Variants in TBC1D9 observed in about 807,000 individuals in gnomAD.
The protein encoded by TBC1D9 is TBC1 domain family member 9A.
In TBC1D9, 63 loss-of-function variants were observed where a neutral mutation model predicts 132.0. The observed-to-expected ratio is 0.48, with a 90% CI of 0.39 to 0.59. TBC1D9 has a LOEUF of 0.59. TBC1D9 is among the 20% of genes least tolerant of loss of function. The pLI is 0.00. For missense variants in TBC1D9, 1,261 were observed against 1,592.7 expected, an observed-to-expected ratio of 0.79 and a Z score of 3.54; for synonymous variants, 610 against 609.9, an observed-to-expected ratio of 1.00 and a Z score of 0.00.
chr4:140,651,278 C>T (rs1427966763), intron 13 of TBC1D9, among the ~76,000 whole-genome samples: 1 of 152,168 alleles, frequency 6.6e-6, no homozygotes, highest in African/African-American at 2.4e-5. Context: ...GCCTGGCCAA[C>T]ATGGTGAAAC....
intron 1 of TBC1D9, among the ~76,000 whole-genome samples, chr4:140,735,227 C>CTT (rs1405809319): frequency 6.6e-6 from 1 of 152,106 alleles, no homozygotes; most frequent in Non-Finnish European, 1.5e-5. Flanking sequence ...ATTTACTAAG[C>CTT]TTTTTGAAAA....
intron 1 of TBC1D9, among the ~76,000 whole-genome samples, chr4:140,753,202 C>T (rs1258259185): frequency 9.9e-5 from 15 of 152,014 alleles, no homozygotes. Context: ...CCCATCCATT[C>T]CTGGGAGGCT....
chr4:140,744,591 T>C (rs1423936566), intron 1 of TBC1D9, among the ~76,000 whole-genome samples: 1 of 152,108 alleles, frequency 6.6e-6, no homozygotes, highest in Non-Finnish European at 1.5e-5. Context: ...CTCATCTACG[T>C]AAGAGCCTTG....
intron 3 of TBC1D9, among the ~76,000 whole-genome samples, chr4:140,682,315 T>C (rs1346847): frequency 0.8 from 121,455 of 152,094 alleles, 49,293 homozygotes; most frequent in African/African-American, 0.94. Flanking sequence ...GATATCACTC[T>C]ACCAAGAGAA....
In TBC1D9 at chr4:140,706,946, C is replaced by T. The variant is rs77093430; in HGVS notation, c.131-5332G>A. On this transcript the variant is annotated intron_variant, in intron 1 of 20. Transcript: ENST00000442267. The surrounding 1 kb of genome is among the most constrained non-coding windows in gnomAD (Gnocchi z 4.0). ...TTTTGCTCTATTATGCAACTGTAAT[C>T]GTATTCTGTTTGCATAAATCCTTAA... Among the ~76,000 whole-genome samples the T allele has an allele frequency of 0.054, 8,233 of 152,128 alleles. 759 individuals are homozygous for T. Among genetic ancestry groups the T allele is most frequent in the African/African-American group, 0.19 (7,736 of 41,462 alleles).
At chr4:140,693,636 A>G (rs1737909347) in intron 2 of TBC1D9, among the ~76,000 whole-genome samples, 1 of 152,260 alleles carries the variant, frequency 6.6e-6, no homozygotes, top group Admixed American at 6.5e-5. Context: ...TAAGCAGCAG[A>G]ACACAAAGAC....
chr4:140,725,961 T>C (rs1295839180), intron 1 of TBC1D9, among the ~76,000 whole-genome samples: 1 of 152,178 alleles, frequency 6.6e-6, no homozygotes, highest in Non-Finnish European at 1.5e-5. Flanking sequence ...TATAAATATA[T>C]TGTTACTCAA....
chr4:140,703,575 C>A (rs1738105661), intron 1 of TBC1D9, among the ~76,000 whole-genome samples: 1 of 152,138 alleles, frequency 6.6e-6, no homozygotes, highest in African/African-American at 2.4e-5. Context: ...CCTTCCTGAA[C>A]CAGAGTTATT....
intron 16 of TBC1D9, among the ~76,000 whole-genome samples, chr4:140,633,202 T>C (rs1736825894): frequency 6.6e-6 from 1 of 152,210 alleles, no homozygotes; most frequent in Non-Finnish European, 1.5e-5. Flanking sequence ...GGTCATAGAG[T>C]AGCACAATTA....
At chr4:140,697,962 C>T (rs993296144) in intron 2 of TBC1D9, among the ~76,000 whole-genome samples, 1 of 152,142 alleles carries the variant, frequency 6.6e-6, no homozygotes, top group Non-Finnish European at 1.5e-5. Context: ...GGCAGTTTGG[C>T]ACTCATGGTG....
intron 13 of TBC1D9, among the ~76,000 whole-genome samples, chr4:140,640,869 C>A (rs1484739954): frequency 2.9e-5 from 4 of 137,650 alleles, no homozygotes; most frequent in South Asian, 4.3e-4. Flanking sequence ...ATAACCCCCC[C>A]AAGAAGCATA....
chr4:140,657,677 AT>A lies in TBC1D9; in HGVS notation c.2056del (p.Met686CysfsTer20). ...SWFLTLFLSV[M>X]PFESAVVVVD... Reference sequence around the variant, plus strand: ...AACCACAACTGCACTCTCAAAAGGCATCACACTGAGAAATAGTGTGAGGAAC... The same window carrying A: ...AACCACAACTGCACTCTCAAAAGGCACACACTGAGAAATAGTGTGAGGAAC... On this transcript the variant is annotated frameshift_variant, in exon 12 of 21. Transcript: ENST00000442267. LOFTEE classifies it high-confidence loss of function. 1 of 1,614,046 alleles carries A rather than the reference AT, an allele frequency of 6.2e-7. No homozygotes were observed. Among genetic ancestry groups the A allele is most frequent in the Non-Finnish European group, 8.5e-7 (1 of 1,179,886 alleles).
intron 2 of TBC1D9, among the ~76,000 whole-genome samples, chr4:140,691,832 G>A (rs189117731): frequency 7.2e-5 from 11 of 152,280 alleles, no homozygotes; most frequent in East Asian, 1.9e-4. Flanking sequence ...TGAAAAATAC[G>A]AAATCATCCT....
intron 13 of TBC1D9, chr4:140,642,097 G>T: frequency 1.4e-6 from 1 of 725,486 alleles, no homozygotes; most frequent in Non-Finnish European, 2.6e-6. Context: ...GGGGGTGTGT[G>T]CCAGGCCCTC....
rs189782432 is a variant in TBC1D9 at position 140,669,612 on chromosome 4, G to A, written c.1437+22C>T. 27 of 1,591,920 alleles carry A rather than the reference G, an allele frequency of 1.7e-5. No homozygotes were observed. The African/African-American group carries it at 3.3e-4, about 20-fold the overall frequency. ...CATTGTTCAAATCTACAAAGTTTCA[G>A]GGAAAAGTGAGAGGCACCCACCAAT... On this transcript the variant is annotated intron_variant, in intron 8 of 20. Coordinates refer to ENST00000442267, the MANE Select transcript of TBC1D9 (RefSeq NM_015130.3).
chr4:140,680,580 C>G (rs972190906), intron 3 of TBC1D9, among the ~76,000 whole-genome samples: 4 of 152,124 alleles, frequency 2.6e-5, no homozygotes, highest in African/African-American at 9.7e-5. Context: ...CCACCTTTGA[C>G]TTTGTAATCC....
Position 140,662,070 on chromosome 4 carries a change from A to G in TBC1D9, c.1626T>C (p.Tyr542=). The change falls in exon 10 of 21, where the codon TAT becomes TAC. Residue 542 remains tyrosine, a synonymous_variant. Coordinates refer to ENST00000442267, the MANE Select transcript of TBC1D9 (RefSeq NM_015130.3). ...INEKATHPGY[Y]EDLVEKSMGK... is the part of the protein sequence containing the mutation. ...CCATGGACTTCTCCACTAGGTCTTC[A>G]TAGTACCCAGGATGTGTGGCCTTCT... The G allele has an allele frequency of 3.7e-6, 6 of 1,613,946 alleles. No homozygotes were observed. Among genetic ancestry groups the G allele is most frequent in the African/African-American group, 1.3e-5 (1 of 75,020 alleles).
chr4:140,749,444 T>A (rs1487232246), intron 1 of TBC1D9, among the ~76,000 whole-genome samples: 1 of 152,112 alleles, frequency 6.6e-6, no homozygotes, highest in Admixed American at 6.5e-5. Context: ...AAGCACTTAA[T>A]AAAAGAGCAG....
intron 1 of TBC1D9, among the ~76,000 whole-genome samples, chr4:140,718,383 T>C (rs1738371587): frequency 6.6e-6 from 1 of 152,134 alleles, no homozygotes; most frequent in Non-Finnish European, 1.5e-5. Flanking sequence ...AGTGTGAGGA[T>C]CTCTGGTCTT....
Sources: gnomAD v4.1 joint callset for allele counts (sites outside exome capture counted in the v4.1 genomes callset) on GRCh38, gnomAD v4.1.1 for gene constraint, Gnocchi (gnomAD v3.1) non-coding constraint, MANE v1.5 for transcripts, NCBI Gene and HGNC (gene_info 2026-07-23, HGNC 2026-07-21) for gene names.